The following AGFG2 variants were observed in gnomAD, a reference collection of about 807,000 sequenced individuals.
AGFG2 encodes the protein ArfGAP with FG repeats 2.
In AGFG2, 31 loss-of-function variants were observed where a neutral mutation model predicts 48.0. The ratio of observed to expected loss-of-function variants is 0.65; its 90% CI spans 0.49 to 0.87. The LOEUF (loss-of-function observed/expected upper bound fraction) is 0.87. Ranked by LOEUF, AGFG2 falls within the 40% of genes least tolerant of loss-of-function variation. The pLI, the probability that AGFG2 is intolerant of heterozygous loss-of-function variation, is 0.00. For synonymous variants in AGFG2, 229 were observed against 260.8 expected, an observed-to-expected ratio of 0.88 and a Z score of 1.18; for missense variants, 599 against 632.6, an observed-to-expected ratio of 0.95 and a Z score of 0.57.
rs576602492 is a variant in AGFG2, at chr7:100,539,224, C to T, written c.-123C>T. The T allele has an allele frequency of 9.8e-5, 100 of 1,017,214 alleles. No individual in the cohort carries two copies. The South Asian group carries it at 2.7e-3, about 28-fold the overall frequency. 63.0% of individuals were successfully genotyped at this position (1,017,214 alleles called of 1,614,324 possible). A position where few individuals can be genotyped will look rare whatever the true frequency, so the allele number is the denominator to read the frequency against. On this transcript the variant is annotated 5_prime_UTR_variant, in exon 1 of 12. Transcript: ENST00000300176. ...GGGTGGTGGACGGCGAAGTCTCCTG[C>T]GGATGCCGCCCGCTCCCGAGCTTCT... is the stretch of plus-strand genomic sequence containing the variant.
chr7:100,565,520 C>T lies in AGFG2; in HGVS notation c.*529C>T, dbSNP rs954927667. ...GGGGTCCCCCATTGTTTTGCTTCCC[C>T]AGCGCCCAGGATGAGCGGTTTACCA... On this transcript the variant is annotated 3_prime_UTR_variant, in exon 12 of 12. Transcript: ENST00000300176. 1.9e-5 allele frequency: 3 copies of T among 154,230 alleles called. No homozygotes were observed. Among genetic ancestry groups the T allele is most frequent in the African/African-American group, 4.8e-5 (2 of 41,410 alleles). The allele number at this position is 154,230 out of a possible 1,614,324, so 9.6% of individuals were successfully genotyped here. A position where few individuals can be genotyped will look rare whatever the true frequency, so the allele number is the denominator to read the frequency against.
chr7:100,563,890 A>G lies in AGFG2; in HGVS notation c.1228A>G (p.Thr410Ala), dbSNP rs202000689. 6.2e-7 allele frequency: 1 copy of G among 1,610,610 alleles called. No individual in the cohort carries two copies. The highest frequency in any genetic ancestry group is 8.5e-7 in the Non-Finnish European group (1 of 1,179,998). ...TGGCTTCCCCCAGGCAGTGCCACCCACTGGGGCCTTTGCCAGCTCCTTCCC... is the reference window on the plus strand; with the variant it reads ...TGGCTTCCCCCAGGCAGTGCCACCCGCTGGGGCCTTTGCCAGCTCCTTCCC... ...GPGFPQAVPP[T>A]GAFASSFPAP... The change falls in exon 10 of 12, where the codon ACT becomes GCT. Residue 410 changes from threonine (T) to alanine (A), a missense_variant. Thr to Ala is a moderately conservative substitution (Grantham distance 58, BLOSUM62 0). Coordinates refer to ENST00000300176, the MANE Select transcript of AGFG2 (RefSeq NM_006076.5).
At chr7:100,563,033 C>T in intron 9 of AGFG2, 87 bp downstream of exon 9, 3 of 1,316,260 alleles carry the variant, frequency 2.3e-6, no homozygotes, top group Non-Finnish European at 2.1e-6. Flanking sequence ...AACCCTTTGT[C>T]TCACGCTGTC....
At chr7:100,564,791 A>C in intron 11 of AGFG2, 141 bp from the exon 12 acceptor site, 15 of 922,450 alleles carry the variant, frequency 1.6e-5, no homozygotes, top group Non-Finnish European at 2.6e-5. Flanking sequence ...GGCATGAGCT[A>C]CCGTGCCTGG....
rs1264992344 is a variant in AGFG2, at chr7:100,564,321, G to A, written c.1386+18G>A. 1.2e-6 allele frequency: 2 copies of A among 1,608,804 alleles called. No individual in the cohort carries two copies. The highest frequency in any genetic ancestry group is 8.5e-7 in the Non-Finnish European group (1 of 1,177,308). The stretch of plus-strand genomic sequence containing the variant: ...CCTTCATGGTGAGTGTGCCAGCAGG[G>A]GTGCTGTGGTAGGGCTCGTGGGCTT... On this transcript the variant is annotated intron_variant, in intron 11 of 11. Transcript: ENST00000300176.
intron 6 of AGFG2, chr7:100,556,743 C>T (rs1231942349): frequency 2.4e-6 from 2 of 819,852 alleles, no homozygotes; most frequent in East Asian, 6.6e-5. Flanking sequence ...TAAGCAATTT[C>T]CCTAGTCATG....
chr7:100,548,978 G>C (rs1475499606), intron 2 of AGFG2, 63 bp downstream of exon 2: 4 of 1,349,060 alleles, frequency 3.0e-6, no homozygotes, highest in Middle Eastern at 1.9e-4. Context: ...TTTGCCTCAA[G>C]ATTGTAGGGA....
rs1259099514 is a variant in AGFG2 at position 100,565,332 on chromosome 7, A to G, written c.*341A>G. On this transcript the variant is annotated 3_prime_UTR_variant, in exon 12 of 12. Transcript: ENST00000300176. ...CTAGCTCGCCAGCGCTGTGCTCCTC[A>G]TGGACGGGAGCGCAGTGGGGAAGGT... 8.7e-6 allele frequency: 3 copies of G among 343,494 alleles called. No individual in the cohort carries two copies. Among genetic ancestry groups the G allele is most frequent in the Non-Finnish European group, 1.1e-5 (2 of 182,898 alleles). The allele number at this position is 343,494 out of a possible 1,614,324, so 21.3% of individuals were successfully genotyped here. A position where few individuals can be genotyped will look rare whatever the true frequency, so the allele number is the denominator to read the frequency against.
intron 1 of AGFG2, among the ~76,000 whole-genome samples, chr7:100,547,539 C>A (rs1800536387): frequency 6.6e-6 from 1 of 152,082 alleles, no homozygotes; most frequent in South Asian, 2.1e-4. Context: ...TAGACCTAGA[C>A]CAGAATAATA....
chr7:100,553,650 T>G (rs1320425533), intron 4 of AGFG2, 150 bp downstream of exon 4: 2 of 980,512 alleles, frequency 2.0e-6, no homozygotes, highest in Non-Finnish European at 2.9e-6. Flanking sequence ...ATCTTGTATT[T>G]GTCACTTCTG....
intron 4 of AGFG2, 121 bp downstream of exon 4, chr7:100,553,621 G>A (rs1338778084): frequency 1.3e-5 from 16 of 1,198,936 alleles, no homozygotes; most frequent in Middle Eastern, 2.9e-4. Context: ...GTTGGGTCTC[G>A]GCTCTGCTGT....
intron 6 of AGFG2, among the ~76,000 whole-genome samples, chr7:100,556,927 G>A (rs942721137): frequency 1.3e-5 from 2 of 152,186 alleles, no homozygotes; most frequent in African/African-American, 4.8e-5. Context: ...GCTGGGCGTG[G>A]TGGCTCACAT....
intron 6 of AGFG2, chr7:100,556,726 A>T: frequency 1.0e-6 from 1 of 1,001,844 alleles, no homozygotes; most frequent in Non-Finnish European, 1.3e-6. Context: ...TTGACAGATA[A>T]GGCAGTTAAG....
chr7:100,563,641 G>A (rs766431523), intron 9 of AGFG2, among the ~76,000 whole-genome samples, 193 bp from the exon 10 acceptor site: 9 of 152,220 alleles, frequency 5.9e-5, no homozygotes, highest in Admixed American at 1.3e-4. Context: ...TCCCTGCCAC[G>A]TACCCCCGGG....
intron 5 of AGFG2, among the ~76,000 whole-genome samples, 167 bp downstream of exon 5, chr7:100,554,425 G>A (rs1008046860): frequency 6.6e-6 from 1 of 152,218 alleles, no homozygotes; most frequent in Non-Finnish European, 1.5e-5. Context: ...AGTACAGCCA[G>A]GATTATGTTT....
chr7:100,554,141 C>T lies in AGFG2; in HGVS notation c.634C>T (p.Pro212Ser). 6.2e-7 allele frequency: 1 copy of T among 1,614,154 alleles called. No homozygotes were observed. The highest frequency in any genetic ancestry group is 8.5e-7 in the Non-Finnish European group (1 of 1,180,014). ...GACATCCCAGGCCCGGAGCACTCAGCCACCTCCCCACTCCTCTGTCAAAAA... is the reference window on the plus strand; with the variant it reads ...GACATCCCAGGCCCGGAGCACTCAGTCACCTCCCCACTCCTCTGTCAAAAA... ...ARTSQARSTQ[P>S]PPHSSVKKAS... Residue 212 changes from proline (P) to serine (S), a missense_variant, in exon 5 of 12, where the codon CCA becomes TCA. Physicochemically the swap from Pro to Ser is moderately conservative, Grantham distance 74 (BLOSUM62 -1). Transcript: ENST00000300176.
At chr7:100,553,123 A>T (rs1800681700) in intron 3 of AGFG2, among the ~76,000 whole-genome samples, 3 of 152,140 alleles carry the variant, frequency 2.0e-5, no homozygotes, top group Admixed American at 6.5e-5. Context: ...ACTGCACTCC[A>T]CCCTGGGCAA....
Position 100,562,304 on chromosome 7 carries a change from C to CT in AGFG2, c.923_924insT (p.Ser309GlnfsTer24). 1 of 1,614,130 alleles carries CT rather than the reference C, an allele frequency of 6.2e-7. No homozygotes were observed. Among genetic ancestry groups the CT allele is most frequent in the Non-Finnish European group, 8.5e-7 (1 of 1,180,012 alleles). ...TTTGGTGCCACTCCCCTGGCACCCGCCAGTCAGCCAAACAGCCTCGCAGAC... is the reference window on the plus strand; with the variant it reads ...TTTGGTGCCACTCCCCTGGCACCCGCTCAGTCAGCCAAACAGCCTCGCAGAC... On this transcript the variant is annotated frameshift_variant, in exon 7 of 12. Coordinates refer to ENST00000300176, the MANE Select transcript of AGFG2 (RefSeq NM_006076.5). LOFTEE classifies it high-confidence loss of function. The surrounding 1 kb of genome is among the most constrained non-coding windows in gnomAD (Gnocchi z 5.4).
intron 3 of AGFG2, among the ~76,000 whole-genome samples, chr7:100,551,007 G>A (rs902554439): frequency 7.7e-6 from 1 of 129,782 alleles, no homozygotes; most frequent in Non-Finnish European, 1.6e-5. Context: ...GACTACAGGT[G>A]TGTGCCACCA....
Sources: allele counts gnomAD v4.1 joint callset (sites outside exome capture counted in the v4.1 genomes callset), GRCh38; gene constraint gnomAD v4.1.1; non-coding constraint Gnocchi (gnomAD v3.1); transcripts MANE v1.5; gene names NCBI Gene and HGNC (gene_info 2026-07-23, HGNC 2026-07-21).